Variants in TRAPPC9 observed in about 807,000 individuals in gnomAD.
TRAPPC9 encodes the protein IKK2 binding protein.
A neutral mutation model predicts 124.0 loss-of-function variants in TRAPPC9; 83 were observed. That is an observed-to-expected ratio of 0.67 (90% CI 0.56 to 0.80). TRAPPC9 has a LOEUF of 0.80. TRAPPC9 is among the 30% of genes least tolerant of loss of function. TRAPPC9 has a pLI of 0.00. For missense variants in TRAPPC9, 1,302 were observed against 1,508.3 expected (o/e 0.86, Z 2.27); for synonymous variants, 638 against 617.5 (o/e 1.03, Z -0.49).
intron 17 of TRAPPC9, among the ~76,000 whole-genome samples, chr8:140,161,218 C>T (rs1040253516): frequency 1.3e-5 from 2 of 152,120 alleles, no homozygotes; most frequent in African/African-American, 2.4e-5. Flanking sequence ...CCAGGTACCT[C>T]GCATACACAC....
chr8:140,183,824 C>A (rs2062263152), intron 17 of TRAPPC9, among the ~76,000 whole-genome samples: 1 of 145,672 alleles, frequency 6.9e-6, no homozygotes, highest in Non-Finnish European at 1.5e-5. Flanking sequence ...CACTGCACAC[C>A]AGCCTGAGTG....
chr8:139,812,788 G>C (rs531196503), intron 21 of TRAPPC9, among the ~76,000 whole-genome samples: 1 of 152,314 alleles, frequency 6.6e-6, no homozygotes, highest in African/African-American at 2.4e-5. Context: ...ACCCTTGGAA[G>C]AGCTTTGCCT....
chr8:139,971,814 T>TAC (rs1307744300), intron 19 of TRAPPC9, among the ~76,000 whole-genome samples: 10 of 146,842 alleles, frequency 6.8e-5, no homozygotes, highest in Non-Finnish European at 1.2e-4. Flanking sequence ...CATATATATA[T>TAC]ATACACACAC....
rs544379904 is a variant in TRAPPC9, at chr8:139,762,101, C to G, written c.3056-29899G>C. On this transcript the variant is annotated intron_variant, in intron 21 of 22. Coordinates refer to ENST00000438773, the MANE Select transcript of TRAPPC9 (RefSeq NM_001160372.4). ...CAGGACAGCCCTCTGAGCCACCCAG[C>G]CCTGCAGCCCGAGTGAGGGCCTGCC... 6.5e-4 allele frequency among the ~76,000 whole-genome samples: 98 copies of G among 151,910 alleles called. 1 individual carries two copies. Among genetic ancestry groups the G allele is most frequent in the African/African-American group, 2.2e-3 (93 of 41,454 alleles).
In TRAPPC9 at chr8:140,357,995, G is replaced by A. The variant is rs191746836; in HGVS notation, c.1495+2055C>T. Among the ~76,000 whole-genome samples, 440 of 152,302 alleles carry A rather than the reference G, an allele frequency of 2.9e-3. 2 individuals are homozygous for A. In the Middle Eastern group the frequency reaches 0.051, roughly 18 times the overall value. On this transcript the variant is annotated intron_variant, in intron 9 of 22. Coordinates refer to ENST00000438773, the MANE Select transcript of TRAPPC9 (RefSeq NM_001160372.4). The stretch of plus-strand genomic sequence containing the variant: ...ACAGAAAACAACAGCTACTCCACAC[G>A]AGGATGCCAACGGCCACAATAAGTG...
intron 21 of TRAPPC9, among the ~76,000 whole-genome samples, chr8:139,866,764 C>CTGTGTG (rs139054349): frequency 1.3e-5 from 2 of 151,134 alleles, no homozygotes; most frequent in African/African-American, 4.9e-5. Context: ...GATGTTGAGG[C>CTGTGTG]TGTGTGTGTG....
chr8:140,272,105 G>GTGGGGGTGGCAATGGTGGGAGTGATTA (rs2064917251), intron 15 of TRAPPC9, among the ~76,000 whole-genome samples: 1 of 75,228 alleles, frequency 1.3e-5, no homozygotes, highest in South Asian at 5.3e-4. Flanking sequence ...TGAGGTGATT[G>GTGGGGGTGGCAATGGTGGGAGTGATTA]TGGTGGTGGC....
At chr8:139,994,195 A>C (rs1837822908) in intron 18 of TRAPPC9, among the ~76,000 whole-genome samples, 1 of 152,244 alleles carries the variant, frequency 6.6e-6, no homozygotes. Flanking sequence ...TAGAGTAGGC[A>C]AAGTGGGGCA....
intron 5 of TRAPPC9, among the ~76,000 whole-genome samples, chr8:140,413,105 C>T (rs753913019): frequency 9.9e-5 from 15 of 152,104 alleles, no homozygotes; most frequent in Non-Finnish European, 1.6e-4. Context: ...AGTCACCACC[C>T]GGGTCGGGCA....
intron 17 of TRAPPC9, among the ~76,000 whole-genome samples, chr8:140,093,778 C>T (rs1844735957): frequency 6.6e-6 from 1 of 152,186 alleles, no homozygotes; most frequent in Non-Finnish European, 1.5e-5. Flanking sequence ...GCTGAGCCCT[C>T]CAGAGACAAA....
chr8:139,838,160 C>T (rs921542906), intron 21 of TRAPPC9, among the ~76,000 whole-genome samples: 3 of 152,196 alleles, frequency 2.0e-5, no homozygotes, highest in Non-Finnish European at 4.4e-5. Context: ...GCTCTCCATC[C>T]GTGACTTGCC....
At chr8:140,065,615 AC>A (rs1371369052) in intron 17 of TRAPPC9, among the ~76,000 whole-genome samples, 14 of 152,286 alleles carry the variant, frequency 9.2e-5, no homozygotes, top group African/African-American at 3.4e-4. Context: ...TGCTAAATCT[AC>A]TCAGCCTGTG....
At chr8:139,800,056 T>C (rs1823368429) in intron 21 of TRAPPC9, among the ~76,000 whole-genome samples, 1 of 152,156 alleles carries the variant, frequency 6.6e-6, no homozygotes, top group Non-Finnish European at 1.5e-5. Flanking sequence ...AGCAAACAGA[T>C]GCCACAAAAC....
At chr8:140,403,431 T>TA (rs34616687) in intron 6 of TRAPPC9, among the ~76,000 whole-genome samples, 40,166 of 142,270 alleles carry the variant, frequency 0.28, 6,292 homozygotes, top group South Asian at 0.44. Flanking sequence ...TCTGTCTCCA[T>TA]AAAAAAAAAA....
chr8:140,096,448 T>G (rs1462505102), intron 17 of TRAPPC9: 1 of 152,232 alleles, frequency 6.6e-6, no homozygotes, highest in African/African-American at 2.4e-5. Flanking sequence ...GGAACCCAGT[T>G]AGGAAATTAT....
rs947494465 is a variant in TRAPPC9 at position 140,104,998 on chromosome 8, G to A, written c.2557-80919C>T. 6.6e-6 allele frequency among the ~76,000 whole-genome samples: 1 copy of A among 152,306 alleles called. No individual in the cohort carries two copies. The highest frequency in any genetic ancestry group is 1.5e-5 in the Non-Finnish European group (1 of 68,026). On this transcript the variant is annotated intron_variant, in intron 17 of 22. Transcript: ENST00000438773. The surrounding 1 kb of genome is among the most constrained non-coding windows in gnomAD (Gnocchi z 4.0). ...CAGCAGCCCTGACTGCGTGGCTCCT[G>A]GGACAGCCCAAACGTACTCAGCCAC...
chr8:139,981,126 T>C (rs1375582401), intron 19 of TRAPPC9, among the ~76,000 whole-genome samples: 1 of 152,192 alleles, frequency 6.6e-6, no homozygotes, highest in Non-Finnish European at 1.5e-5. Flanking sequence ...CCTCTGCCTA[T>C]TAATCACTGG....
At chr8:139,996,800 C>T (rs1359087344) in intron 18 of TRAPPC9, among the ~76,000 whole-genome samples, 1 of 152,142 alleles carries the variant, frequency 6.6e-6, no homozygotes, top group African/African-American at 2.4e-5. Flanking sequence ...AGTGCAATGG[C>T]GTGATCTCGG....
In TRAPPC9 at chr8:139,984,570, G is replaced by A. The variant is rs2131684043; in HGVS notation, c.2810+4156C>T. 6.6e-6 allele frequency among the ~76,000 whole-genome samples: 1 copy of A among 152,294 alleles called. No individual in the cohort carries two copies. Among genetic ancestry groups the A allele is most frequent in the South Asian group, 2.1e-4 (1 of 4,826 alleles). ...GATACTCAAGACACAAAGCCTGGAA[G>A]GACAGGGACCAGGTCTGAGGTCTGT... On this transcript the variant is annotated intron_variant, in intron 19 of 22. Coordinates refer to ENST00000438773, the MANE Select transcript of TRAPPC9 (RefSeq NM_001160372.4). This position sits in a 1 kb window ranked among gnomAD's most constrained non-coding sequence, Gnocchi z 4.3.
Sources: gnomAD v4.1 joint callset for allele counts (sites outside exome capture counted in the v4.1 genomes callset) on GRCh38, gnomAD v4.1.1 for gene constraint, Gnocchi (gnomAD v3.1) non-coding constraint, MANE v1.5 for transcripts, NCBI Gene and HGNC (gene_info 2026-07-23, HGNC 2026-07-21) for gene names.